Variants in SH2D4A observed in about 807,000 individuals in gnomAD.
SH2D4A encodes the protein SH2 domain-containing protein 4A.
In SH2D4A, 70 loss-of-function variants were observed where a neutral mutation model predicts 64.7. That is an observed-to-expected ratio of 1.08 (90% CI 0.89 to 1.32). The LOEUF (loss-of-function observed/expected upper bound fraction) is 1.32. Among genes scored for constraint, SH2D4A ranks in the 40% most tolerant of loss-of-function variants. The pLI, the probability that SH2D4A is intolerant of heterozygous loss-of-function variation, is 0.00. For missense variants in SH2D4A, 706 were observed against 540.1 expected (o/e 1.31, Z -3.04); for synonymous variants, 268 against 200.7 (o/e 1.34, Z -2.83).
intron 8 of SH2D4A, among the ~76,000 whole-genome samples, chr8:19,387,751 A>G (rs1328587589): frequency 6.6e-6 from 1 of 151,900 alleles, no homozygotes; most frequent in African/African-American, 2.4e-5. Context: ...CAGTCACATG[A>G]CTCTGTCCTT....
At chr8:19,315,927 T>C (rs2052080250) in intron 1 of SH2D4A, among the ~76,000 whole-genome samples, 1 of 152,218 alleles carries the variant, frequency 6.6e-6, no homozygotes, top group South Asian at 2.1e-4. Flanking sequence ...GAACCAGTCC[T>C]CGTTTCACAG....
At chr8:19,373,250 C>G (rs1371420143) in intron 7 of SH2D4A, among the ~76,000 whole-genome samples, 2 of 151,718 alleles carry the variant, frequency 1.3e-5, no homozygotes, top group Non-Finnish European at 2.9e-5. Flanking sequence ...GGGCTCCAGC[C>G]TCCTGTTAGC....
Position 19,364,195 on chromosome 8 carries a change from T to C in SH2D4A, c.830T>C (p.Leu277Ser), listed in dbSNP as rs747272557. The part of the protein sequence containing the change: ...GRGGERLQSP[L>S]RVPQKPERPP... ...GGCGGTGAGAGGCTGCAAAGCCCCT[T>C]GCGTGTTCCGCAGAAACCAGAAAGA... The change falls in exon 7 of 10, where the codon TTG becomes TCG. Residue 277 changes from leucine (L) to serine (S), a missense_variant. Transcript: ENST00000265807. 1.9e-6 allele frequency: 3 copies of C among 1,614,156 alleles called. No homozygotes were observed. Among genetic ancestry groups the C allele is most frequent in the African/African-American group, 1.3e-5 (1 of 75,060 alleles).
chr8:19,383,569 G>C (rs1343845337), intron 8 of SH2D4A, among the ~76,000 whole-genome samples: 2 of 151,856 alleles, frequency 1.3e-5, no homozygotes, highest in Non-Finnish European at 1.5e-5. Context: ...CTGAAAACTG[G>C]GTATTTGAAT....
At chr8:19,342,977 C>T (rs1406013213) in intron 4 of SH2D4A, among the ~76,000 whole-genome samples, 5 of 152,186 alleles carry the variant, frequency 3.3e-5, no homozygotes, top group African/African-American at 1.2e-4. Context: ...ACAGCTCTAG[C>T]ACGCTGCTTC....
chr8:19,367,677 T>A (rs1747146726), intron 7 of SH2D4A, among the ~76,000 whole-genome samples: 1 of 152,240 alleles, frequency 6.6e-6, no homozygotes, highest in South Asian at 2.1e-4. Flanking sequence ...CTTGTCTCTT[T>A]ACTCTGTTGA....
At chr8:19,370,745 G>A (rs2053081195) in intron 7 of SH2D4A, among the ~76,000 whole-genome samples, 1 of 152,054 alleles carries the variant, frequency 6.6e-6, no homozygotes, top group Non-Finnish European at 1.5e-5. Flanking sequence ...GGTAATTATT[G>A]ATATGTAAGG....
chr8:19,361,397 C>T, intron 6 of SH2D4A, 83 bp downstream of exon 6: 1 of 1,365,938 alleles, frequency 7.3e-7, no homozygotes, highest in South Asian at 1.8e-5. Flanking sequence ...CTAGAAAGCG[C>T]TTAATGTGGG....
intron 8 of SH2D4A, among the ~76,000 whole-genome samples, chr8:19,388,626 A>G (rs891271144): frequency 1.3e-5 from 2 of 152,222 alleles, no homozygotes; most frequent in Non-Finnish European, 2.9e-5. Context: ...CATTTTCCAG[A>G]CACAGGAAGT....
intron 5 of SH2D4A, among the ~76,000 whole-genome samples, chr8:19,359,375 A>G (rs1348008138): frequency 6.6e-6 from 1 of 152,210 alleles, no homozygotes; most frequent in Admixed American, 6.5e-5. Flanking sequence ...AGGTAGAATC[A>G]TGTCATGTTC....
At chr8:19,368,837 C>G (rs2053046975) in intron 7 of SH2D4A, among the ~76,000 whole-genome samples, 1 of 152,092 alleles carries the variant, frequency 6.6e-6, no homozygotes, top group African/African-American at 2.4e-5. Context: ...TTTCTCTTGA[C>G]TCATTCCTGT....
At chr8:19,317,596 G>A (rs1019051283) in intron 1 of SH2D4A, among the ~76,000 whole-genome samples, 5 of 152,132 alleles carry the variant, frequency 3.3e-5, no homozygotes, top group East Asian at 1.9e-4. Flanking sequence ...GCTGTTGAGC[G>A]TGCTTGTCTC....
intron 8 of SH2D4A, among the ~76,000 whole-genome samples, chr8:19,392,592 G>A (rs1329938803): frequency 6.6e-6 from 1 of 151,986 alleles, no homozygotes; most frequent in Admixed American, 6.6e-5. Context: ...GGTAAACTGA[G>A]GTAGCCTAGG....
Position 19,313,774 on chromosome 8 carries a change from G to C in SH2D4A, c.-254G>C, listed in dbSNP as rs942641719. ...TTCCCCGACGGCTTCTGGCGGCCAA[G>C]TGGATGTGGCGGGTGATCGAGCCAC... On this transcript the variant is annotated 5_prime_UTR_variant, in exon 1 of 10. Coordinates refer to ENST00000265807, the MANE Select transcript of SH2D4A (RefSeq NM_022071.4). The C allele has an allele frequency of 6.6e-7, 1 of 1,513,472 alleles. No homozygotes were observed. Among genetic ancestry groups the C allele is most frequent in the Non-Finnish European group, 8.8e-7 (1 of 1,136,276 alleles). The allele number at this position is 1,513,472 out of a possible 1,614,324, so 93.8% of individuals were successfully genotyped here.
At chr8:19,385,842 T>C (rs1049632459) in intron 8 of SH2D4A, among the ~76,000 whole-genome samples, 1 of 152,192 alleles carries the variant, frequency 6.6e-6, no homozygotes, top group Admixed American at 6.5e-5. Flanking sequence ...TCTATCCTTC[T>C]ACTATTTTGC....
chr8:19,366,475 C>T lies in SH2D4A; in HGVS notation c.917+2193C>T, dbSNP rs558362431. Among the ~76,000 whole-genome samples the T allele has an allele frequency of 1.1e-3, 160 of 152,264 alleles. 1 individual carries two copies. The highest frequency in any genetic ancestry group is 9.7e-4 in the Non-Finnish European group (66 of 68,030). ...TACCATCCCCCCTACTCTCCCCAGCCTCTGCTAACCACTGTTCCATACTTC... is the reference window on the plus strand; with the variant it reads ...TACCATCCCCCCTACTCTCCCCAGCTTCTGCTAACCACTGTTCCATACTTC... On this transcript the variant is annotated intron_variant, in intron 7 of 9. Coordinates refer to ENST00000265807, the MANE Select transcript of SH2D4A (RefSeq NM_022071.4).
At chr8:19,347,466 C>G (rs541654934) in intron 4 of SH2D4A, among the ~76,000 whole-genome samples, 36 of 152,272 alleles carry the variant, frequency 2.4e-4, no homozygotes, top group African/African-American at 7.9e-4. Flanking sequence ...TCCCCCGTCC[C>G]CACTCAGAGT....
At position 19,393,333 on chromosome 8, in the gene SH2D4A, A is replaced by AGAAAGCAAATGAACTTCTT. The variant is rs2153652747; in HGVS notation, c.1065_1083dup (p.Leu362GlufsTer4). The AGAAAGCAAATGAACTTCTT allele has an allele frequency of 6.2e-7, 1 of 1,614,204 alleles. No individual in the cohort carries two copies. On this transcript the variant is annotated frameshift_variant, in exon 9 of 10. Coordinates refer to ENST00000265807, the MANE Select transcript of SH2D4A (RefSeq NM_022071.4). LOFTEE classifies it high-confidence loss of function. The stretch of plus-strand genomic sequence containing the variant: ...TTTGCCACAGGAATTCTCACACTCA[A>AGAAAGCAAATGAACTTCTT]GAAAGCAAATGAACTTCTTCTGAGC...
At chr8:19,317,559 G>A (rs1318336750) in intron 1 of SH2D4A, among the ~76,000 whole-genome samples, 2 of 152,148 alleles carry the variant, frequency 1.3e-5, no homozygotes, top group African/African-American at 4.8e-5. Context: ...TAAGAGCTGA[G>A]TATGCACACC....
Sources: allele counts gnomAD v4.1 joint callset (sites outside exome capture counted in the v4.1 genomes callset), GRCh38; gene constraint gnomAD v4.1.1; transcripts MANE v1.5; gene names NCBI Gene and HGNC (gene_info 2026-07-23, HGNC 2026-07-21).